Variants in ELFN2 observed in about 807,000 individuals in gnomAD.
The protein encoded by ELFN2 is extracellular leucine rich repeat and fibronectin type III domain containing 2.
Under a neutral mutation model 45.5 loss-of-function variants are expected in ELFN2, and 17 were observed. That is an observed-to-expected ratio of 0.37 (90% CI 0.26 to 0.56). The LOEUF (loss-of-function observed/expected upper bound fraction) is 0.56, where lower values mean the gene tolerates loss of function less well. Ranked by LOEUF, ELFN2 falls within the 20% of genes least tolerant of loss-of-function variation. ELFN2 has a pLI of 0.77. For synonymous variants in ELFN2, 550 were observed against 551.5 expected (o/e 1.00, Z 0.04); for missense variants, 922 against 1,183.2 (o/e 0.78, Z 3.24).
chr22:37,409,073 T>C (rs1932581077), intron 2 of ELFN2, among the ~76,000 whole-genome samples: 1 of 152,032 alleles, frequency 6.6e-6, no homozygotes, highest in South Asian at 2.1e-4. Flanking sequence ...AACAAAAAAG[T>C]CCCAGGACTG....
rs1931422460 is a variant in ELFN2 at position 37,373,064 on chromosome 22, G to T, written c.*8C>A. On this transcript the variant is annotated 3_prime_UTR_variant, in exon 3 of 3. Transcript: ENST00000402918. ...TGGCTCCGACCTCACCAGGGAGGAA[G>T]GGGGGGGTCACAGCTTCTGCTGGGC... 6.4e-7 allele frequency: 1 copy of T among 1,570,994 alleles called. No individual in the cohort carries two copies. The highest frequency in any genetic ancestry group is 8.7e-7 in the Non-Finnish European group (1 of 1,154,022).
intron 2 of ELFN2, among the ~76,000 whole-genome samples, chr22:37,406,040 G>A (rs1048730293): frequency 6.6e-6 from 1 of 152,172 alleles, no homozygotes; most frequent in Non-Finnish European, 1.5e-5. Flanking sequence ...TACTCTGGAG[G>A]CTGAGATGGG....
intron 1 of ELFN2, among the ~76,000 whole-genome samples, chr22:37,355,295 C>G (rs1250075690): frequency 6.6e-6 from 1 of 152,248 alleles, no homozygotes; most frequent in Non-Finnish European, 1.5e-5. Flanking sequence ...GCCTGTTCTG[C>G]TCTTCCCCAC....
intron 2 of ELFN2, among the ~76,000 whole-genome samples, chr22:37,385,577 C>T (rs1264723876): frequency 6.6e-6 from 1 of 152,232 alleles, no homozygotes; most frequent in Non-Finnish European, 1.5e-5. Flanking sequence ...TCCTCCCTGC[C>T]TCTCTGGTTT....
At chr22:37,353,062 A>T (rs1425194089) in intron 1 of ELFN2, 1 of 150,784 alleles carries the variant, frequency 6.6e-6, no homozygotes, top group African/African-American at 2.4e-5. Flanking sequence ...TGCCCATGAC[A>T]GCAGTAAGCC....
At position 37,349,954 on chromosome 22, in the gene ELFN2, G is replaced by A. The variant is rs187145713; in HGVS notation, n.149-7251C>T. Among the ~76,000 whole-genome samples, 96 of 151,148 alleles carry A rather than the reference G, an allele frequency of 6.4e-4. 2 individuals are homozygous for A. The highest frequency in any genetic ancestry group is 2.5e-3 in the South Asian group (12 of 4,794). On this transcript the variant is annotated intron_variant and non_coding_transcript_variant, in intron 1 of 2. Transcript: ENST00000452946. The stretch of plus-strand genomic sequence containing the variant: ...TGGGCACGAGGCTCCTGTTCCTGAG[G>A]GATGCTCCCCATGAGATCGGAGAGC...
At chr22:37,409,231 C>T (rs1569142470) in intron 2 of ELFN2, among the ~76,000 whole-genome samples, 1 of 152,216 alleles carries the variant, frequency 6.6e-6, no homozygotes, top group Admixed American at 6.5e-5. Flanking sequence ...GGCCCCACCC[C>T]CAGCTCCGGA....
intron 1 of ELFN2, among the ~76,000 whole-genome samples, chr22:37,355,131 G>A (rs1382131556): frequency 2.0e-5 from 3 of 152,180 alleles, no homozygotes; most frequent in Non-Finnish European, 4.4e-5. Flanking sequence ...ACAAGCCATA[G>A]CCTGTCAGTC....
chr22:37,424,848 C>T (rs1932836456), intron 1 of ELFN2, among the ~76,000 whole-genome samples: 1 of 152,020 alleles, frequency 6.6e-6, no homozygotes, highest in East Asian at 1.9e-4. Flanking sequence ...AGACTTAAAC[C>T]AAAACAGGAA....
rs1323370771 is a variant in ELFN2, at chr22:37,372,085, C to T, written c.*987G>A. On this transcript the variant is annotated 3_prime_UTR_variant, in exon 3 of 3. Coordinates refer to ENST00000402918, the MANE Select transcript of ELFN2 (RefSeq NM_052906.5). The surrounding 1 kb of genome is among the most constrained non-coding windows in gnomAD (Gnocchi z 4.4). ...GCCCTTCTGCGGTGGGCAGGGGTCT[C>T]GGAGGACCAGAGAAGCTGGGGCCGG... The T allele has an allele frequency of 2.0e-5, 3 of 152,268 alleles. No individual in the cohort carries two copies. The highest frequency in any genetic ancestry group is 1.9e-4 in the East Asian group (1 of 5,162). 9.4% of individuals were successfully genotyped at this position (152,268 alleles called of 1,614,324 possible). A position where few individuals can be genotyped will look rare whatever the true frequency, so the allele number is the denominator to read the frequency against.
Position 37,378,703 on chromosome 22 carries a change from C to T in ELFN2, c.-462-2707G>A, listed in dbSNP as rs78011060. On this transcript the variant is annotated intron_variant, in intron 2 of 2. Transcript: ENST00000402918. The stretch of plus-strand genomic sequence containing the variant: ...CTCCGACCCACCCCCGTGACTCAGA[C>T]GGAGTTGGGAGGAGGCTCCCATCGT... Among the ~76,000 whole-genome samples, 1,083 of 152,374 alleles carry T rather than the reference C, an allele frequency of 7.1e-3. 10 individuals are homozygous for T. The highest frequency in any genetic ancestry group is 0.024 in the African/African-American group (991 of 41,594).
chr22:37,383,464 G>T (rs1300435224), intron 2 of ELFN2, among the ~76,000 whole-genome samples: 2 of 152,192 alleles, frequency 1.3e-5, no homozygotes, highest in African/African-American at 4.8e-5. Flanking sequence ...CACACCAGCT[G>T]CTCTGGGTCC....
In ELFN2 at chr22:37,379,461, C is replaced by G. The variant is rs77417441; in HGVS notation, c.-462-3465G>C. On this transcript the variant is annotated intron_variant, in intron 2 of 2. Coordinates refer to ENST00000402918, the MANE Select transcript of ELFN2 (RefSeq NM_052906.5). ...GCATGTTCCAGCAAAGAGCAGGGCT[C>G]CCGTGCCCTGGCCTGACTGGACCCC... is the stretch of plus-strand genomic sequence containing the variant. 7.2e-5 allele frequency among the ~76,000 whole-genome samples: 11 copies of G among 152,314 alleles called. No homozygotes were observed. The East Asian group carries it at 2.1e-3, about 29-fold the overall frequency.
chr22:37,348,934 G>A (rs1219940019), intron 1 of ELFN2, among the ~76,000 whole-genome samples: 1 of 150,924 alleles, frequency 6.6e-6, no homozygotes, highest in Non-Finnish European at 1.5e-5. Flanking sequence ...GGGGCCTGGG[G>A]AGGTCTGCGT....
At position 37,350,110 on chromosome 22, in the gene ELFN2, G is replaced by A. The variant is rs965644805; in HGVS notation, n.149-7407C>T. 4.0e-5 allele frequency among the ~76,000 whole-genome samples: 6 copies of A among 150,874 alleles called. 1 individual carries two copies. The highest frequency in any genetic ancestry group is 6.6e-5 in the Admixed American group (1 of 15,188). Reference sequence around the variant, plus strand: ...CTCAAAGGACACAGCACCCAGAGACGCCCTTGTCGGAGAAGGGAACCCCAC... The same window carrying A: ...CTCAAAGGACACAGCACCCAGAGACACCCTTGTCGGAGAAGGGAACCCCAC... On this transcript the variant is annotated intron_variant and non_coding_transcript_variant, in intron 1 of 2. Coordinates refer to ENST00000452946, the Ensembl canonical transcript of ELFN2.
At chr22:37,359,295 C>T (rs1931024162) in intron 1 of ELFN2, among the ~76,000 whole-genome samples, 1 of 152,174 alleles carries the variant, frequency 6.6e-6, no homozygotes, top group Non-Finnish European at 1.5e-5. Context: ...CTGTCACTGA[C>T]CCTCAGCACA....
chr22:37,393,459 G>A (rs1324654866), intron 2 of ELFN2, among the ~76,000 whole-genome samples: 1 of 152,152 alleles, frequency 6.6e-6, no homozygotes, highest in African/African-American at 2.4e-5. Flanking sequence ...ACCATGACAC[G>A]TCCCAAATCA....
chr22:37,418,310 G>A (rs765504949), intron 1 of ELFN2, among the ~76,000 whole-genome samples: 2 of 152,032 alleles, frequency 1.3e-5, no homozygotes, highest in Non-Finnish European at 2.9e-5. Context: ...AGGAGAGATG[G>A]AGGGCTGAGG....
rs150211720 is a variant in ELFN2 at position 37,343,482 on chromosome 22, GTC to G, written n.149-781_149-780del. Among the ~76,000 whole-genome samples, 281 of 152,092 alleles carry G rather than the reference GTC, an allele frequency of 1.8e-3. 1 individual carries two copies. The highest frequency in any genetic ancestry group is 6.5e-3 in the African/African-American group (269 of 41,476). ...AGGCTGCCTCCAGTCTGAGGTTTCT[GTC>G]TCTCTCTCAGCCCCCGGCCTGGGCT... is the stretch of plus-strand genomic sequence containing the variant. On this transcript the variant is annotated intron_variant and non_coding_transcript_variant, in intron 1 of 2. Coordinates refer to ENST00000452946, the Ensembl canonical transcript of ELFN2.
Sources: gnomAD v4.1 joint callset for allele counts (sites outside exome capture counted in the v4.1 genomes callset) on GRCh38, gnomAD v4.1.1 for gene constraint, Gnocchi (gnomAD v3.1) non-coding constraint, MANE v1.5 for transcripts, NCBI Gene and HGNC (gene_info 2026-07-23, HGNC 2026-07-21) for gene names.